Variants in PTPRD observed in about 807,000 individuals in gnomAD.
The protein encoded by PTPRD is protein tyrosine phosphatase receptor type D, also known as receptor-type tyrosine-protein phosphatase delta.
PTPRD carries 34 observed loss-of-function variants against 214.5 expected under a neutral mutation model. That is an observed-to-expected ratio of 0.16 (90% CI 0.12 to 0.21). PTPRD has a LOEUF of 0.21. Ranked by LOEUF, PTPRD falls within the 10% of genes least tolerant of loss-of-function variation. The pLI is 1.00. For synonymous variants in PTPRD, 1,128 were observed against 845.7 expected, an observed-to-expected ratio of 1.33 and a Z score of -5.79; for missense variants, 2,545 against 2,398.7, an observed-to-expected ratio of 1.06 and a Z score of -1.27.
intron 3 of PTPRD, among the ~76,000 whole-genome samples, chr9:10,223,712 T>TAATAATA (rs1554887173): frequency 2.1e-5 from 3 of 144,036 alleles, no homozygotes; most frequent in Non-Finnish European, 4.5e-5. Flanking sequence ...ATAATAATAA[T>TAATAATA]AAAGTAGAGT....
At chr9:8,557,484 C>T (rs886270225) in intron 14 of PTPRD, among the ~76,000 whole-genome samples, 5 of 140,326 alleles carry the variant, frequency 3.6e-5, no homozygotes, top group African/African-American at 3.0e-5. Flanking sequence ...GGCTCATCCC[C>T]GTAATCCCAG....
At chr9:8,934,431 AT>A (rs1567097154) in intron 11 of PTPRD, among the ~76,000 whole-genome samples, 3 of 46,304 alleles carry the variant, frequency 6.5e-5, no homozygotes, top group African/African-American at 2.9e-4. Context: ...GTATATATAT[AT>A]ATAAATATAT....
chr9:10,168,582 C>T (rs1005610878), intron 3 of PTPRD, among the ~76,000 whole-genome samples: 3 of 152,066 alleles, frequency 2.0e-5, no homozygotes, highest in Non-Finnish European at 2.9e-5. Context: ...CTGAAAATAC[C>T]AAAGCAGCAG....
Position 9,456,529 on chromosome 9 carries a change from C to T in PTPRD, c.-236-59047G>A, listed in dbSNP as rs976343366. Reference sequence around the variant, plus strand: ...TAAAAACCCAAACCAAACCAGATGGCAGAAAGAATATAGAGTTAAAAATGT... The same window carrying T: ...TAAAAACCCAAACCAAACCAGATGGTAGAAAGAATATAGAGTTAAAAATGT... On this transcript the variant is annotated intron_variant, in intron 8 of 45. Transcript: ENST00000381196. Among the ~76,000 whole-genome samples, 12 of 151,804 alleles carry T rather than the reference C, an allele frequency of 7.9e-5. No individual in the cohort carries two copies. In the East Asian group the frequency reaches 2.3e-3, roughly 30 times the overall value.
chr9:10,256,491 C>A (rs1234318890), intron 3 of PTPRD, among the ~76,000 whole-genome samples: 1 of 151,572 alleles, frequency 6.6e-6, no homozygotes, highest in Non-Finnish European at 1.5e-5. Flanking sequence ...CCATTATAAT[C>A]TTATGGGACC....
chr9:8,387,680 T>A (rs2087673427), intron 37 of PTPRD, among the ~76,000 whole-genome samples: 1 of 152,202 alleles, frequency 6.6e-6, no homozygotes, highest in Admixed American at 6.5e-5. Flanking sequence ...CTTCAATTCC[T>A]ATCCCTGACC....
At chr9:9,914,936 G>C (rs1434853070) in intron 5 of PTPRD, among the ~76,000 whole-genome samples, 3 of 152,132 alleles carry the variant, frequency 2.0e-5, no homozygotes, top group African/African-American at 7.2e-5. Context: ...CATGCTCCTA[G>C]CCAGAGTAAC....
At chr9:10,291,735 T>C (rs2095533189) in intron 3 of PTPRD, among the ~76,000 whole-genome samples, 1 of 152,062 alleles carries the variant, frequency 6.6e-6, no homozygotes, top group Non-Finnish European at 1.5e-5. Flanking sequence ...ATTTCAGACT[T>C]CTGGACTCCA....
intron 10 of PTPRD, among the ~76,000 whole-genome samples, chr9:9,172,496 G>C (rs1027610899): frequency 6.6e-5 from 10 of 152,060 alleles, no homozygotes; most frequent in African/African-American, 2.4e-4. Flanking sequence ...TTTGGACCTA[G>C]ATTAAGCAGC....
At chr9:8,331,951 A>C (rs75007089) in intron 43 of PTPRD, among the ~76,000 whole-genome samples, 1 of 38,440 alleles carries the variant, frequency 2.6e-5, no homozygotes, top group African/African-American at 7.6e-4. Flanking sequence ...TTTACTCTTG[A>C]AATCCTAAAT....
chr9:8,347,991 T>G (rs2074351554), intron 39 of PTPRD, among the ~76,000 whole-genome samples: 1 of 151,982 alleles, frequency 6.6e-6, no homozygotes, highest in South Asian at 2.1e-4. Flanking sequence ...TACCTAAAGG[T>G]CAAGTAACTG....
At chr9:9,979,939 T>C (rs2095483347) in intron 4 of PTPRD, among the ~76,000 whole-genome samples, 10 of 152,146 alleles carry the variant, frequency 6.6e-5, no homozygotes, top group Admixed American at 5.9e-4. Flanking sequence ...GTTATGACAC[T>C]GAGAAAAGTA....
intron 9 of PTPRD, among the ~76,000 whole-genome samples, chr9:9,336,508 T>C (rs1169739381): frequency 6.6e-6 from 1 of 152,108 alleles, no homozygotes; most frequent in Non-Finnish European, 1.5e-5. Flanking sequence ...AGGACCAATT[T>C]CCATGCCCTT....
At chr9:9,720,111 G>C (rs961880534) in intron 7 of PTPRD, among the ~76,000 whole-genome samples, 8 of 152,188 alleles carry the variant, frequency 5.3e-5, no homozygotes, top group African/African-American at 1.9e-4. Flanking sequence ...AACTCAAGCA[G>C]AGGTGCTGTT....
At chr9:9,890,743 CA>C (rs1238112973) in intron 5 of PTPRD, among the ~76,000 whole-genome samples, 1 of 151,956 alleles carries the variant, frequency 6.6e-6, no homozygotes, top group Non-Finnish European at 1.5e-5. Context: ...AACACACCAT[CA>C]ATCGGAAGGG....
At chr9:8,629,918 A>C (rs2154314723) in intron 14 of PTPRD, among the ~76,000 whole-genome samples, 1 of 151,878 alleles carries the variant, frequency 6.6e-6, no homozygotes, top group African/African-American at 2.4e-5. Flanking sequence ...TTTGAGAGTA[A>C]GGGTAATTTG....
chr9:9,335,725 G>C (rs928673559), intron 9 of PTPRD, among the ~76,000 whole-genome samples: 1 of 151,804 alleles, frequency 6.6e-6, no homozygotes, highest in South Asian at 2.1e-4. Flanking sequence ...AAGAAGCATA[G>C]AAATGAATTA....
chr9:9,931,353 A>C (rs2153927134), intron 5 of PTPRD, among the ~76,000 whole-genome samples: 1 of 152,332 alleles, frequency 6.6e-6, no homozygotes, highest in African/African-American at 2.4e-5. Flanking sequence ...CAGTGGGCGC[A>C]GGTCAGTGGG....
chr9:10,009,229 T>C (rs1367980550), intron 4 of PTPRD, among the ~76,000 whole-genome samples: 1 of 151,976 alleles, frequency 6.6e-6, no homozygotes, highest in Non-Finnish European at 1.5e-5. Flanking sequence ...CTGTGATATA[T>C]TTAAAAAGGT....
Sources: allele counts gnomAD v4.1 joint callset (sites outside exome capture counted in the v4.1 genomes callset), GRCh38; gene constraint gnomAD v4.1.1; transcripts MANE v1.5; gene names NCBI Gene and HGNC (gene_info 2026-07-23, HGNC 2026-07-21).